Variants in CTNNA3 observed in about 807,000 individuals in gnomAD.
CTNNA3 encodes the protein catenin alpha-3.
In CTNNA3, 76 loss-of-function variants were observed where a neutral mutation model predicts 95.7. That is an observed-to-expected ratio of 0.79 (90% CI 0.66 to 0.96). The LOEUF is 0.96. Among genes scored for constraint, CTNNA3 ranks in the 40% least tolerant of loss-of-function variants. The pLI is 0.00. For missense variants in CTNNA3, 1,191 were observed against 1,089.8 expected (o/e 1.09, Z -1.31); for synonymous variants, 431 against 374.4 (o/e 1.15, Z -1.74).
At chr10:66,604,439 C>T (rs1385859757) in intron 10 of CTNNA3, among the ~76,000 whole-genome samples, 4 of 152,078 alleles carry the variant, frequency 2.6e-5, no homozygotes, top group East Asian at 1.9e-4. Context: ...CTGCTGCAGC[C>T]GATGAGCGTG....
At chr10:66,851,628 T>TTACATA (rs1554863355) in intron 7 of CTNNA3, among the ~76,000 whole-genome samples, 1 of 92,820 alleles carries the variant, frequency 1.1e-5, no homozygotes. Flanking sequence ...TCTCTTTCTC[T>TTACATA]CACATACACA....
At chr10:67,187,040 G>A (rs1862886099) in intron 6 of CTNNA3, among the ~76,000 whole-genome samples, 1 of 152,026 alleles carries the variant, frequency 6.6e-6, no homozygotes, top group Admixed American at 6.5e-5. Context: ...TCTCTGGAGA[G>A]CTTATAATTT....
chr10:66,710,734 A>T (rs1311611130), intron 9 of CTNNA3, among the ~76,000 whole-genome samples: 1 of 151,954 alleles, frequency 6.6e-6, no homozygotes, highest in East Asian at 1.9e-4. Context: ...CATATATTCA[A>T]ATATATTTAA....
At chr10:66,899,863 G>A (rs946478627) in intron 7 of CTNNA3, among the ~76,000 whole-genome samples, 30 of 152,098 alleles carry the variant, frequency 2.0e-4, no homozygotes, top group African/African-American at 3.6e-4. Context: ...CAAACTGAGC[G>A]GAGCCCACCG....
chr10:65,930,112 ACACACACTT>A (rs2077227006), intron 17 of CTNNA3, among the ~76,000 whole-genome samples: 1 of 149,620 alleles, frequency 6.7e-6, no homozygotes, highest in African/African-American at 2.5e-5. Flanking sequence ...ATAAGTATGT[ACACACACTT>A]CACACACTTT....
rs570352712 is a variant in CTNNA3 at position 66,246,590 on chromosome 10, T to C, written c.1884+33880A>G. ...TTAAAAATAGCTATTTTGAGAAAGTTCAATGAATTTCAAGATGATAGAGAA... is the reference window on the plus strand; with the variant it reads ...TTAAAAATAGCTATTTTGAGAAAGTCCAATGAATTTCAAGATGATAGAGAA... On this transcript the variant is annotated intron_variant, in intron 13 of 17. Transcript: ENST00000433211. Among the ~76,000 whole-genome samples the C allele has an allele frequency of 1.6e-4, 24 of 152,090 alleles. No individual in the cohort carries two copies. In the South Asian group the frequency reaches 4.6e-3, roughly 29 times the overall value.
intron 1 of CTNNA3, among the ~76,000 whole-genome samples, chr10:67,671,264 A>G (rs1019814646): frequency 1.3e-5 from 2 of 152,192 alleles, no homozygotes; most frequent in South Asian, 2.1e-4. Flanking sequence ...GAAATAAAAC[A>G]ATCTTACTGC....
chr10:66,253,188 C>T (rs534256958), intron 13 of CTNNA3, among the ~76,000 whole-genome samples: 8 of 152,334 alleles, frequency 5.3e-5, no homozygotes, highest in Non-Finnish European at 8.8e-5. Context: ...GCTCTCCTGA[C>T]AGGAGCAATC....
At chr10:66,675,753 A>T (rs1846830892) in intron 9 of CTNNA3, among the ~76,000 whole-genome samples, 1 of 152,154 alleles carries the variant, frequency 6.6e-6, no homozygotes, top group Non-Finnish European at 1.5e-5. Context: ...TTATTGGCAC[A>T]GATACCATTA....
chr10:66,632,034 G>A (rs1845154355), intron 9 of CTNNA3, among the ~76,000 whole-genome samples: 1 of 151,952 alleles, frequency 6.6e-6, no homozygotes, highest in Non-Finnish European at 1.5e-5. Context: ...TTATAGATAT[G>A]TGTGCATATC....
Position 66,839,597 on chromosome 10 carries a change from T to C in CTNNA3, c.1048-64073A>G, listed in dbSNP as rs569943348. 2.0e-3 allele frequency among the ~76,000 whole-genome samples: 303 copies of C among 152,226 alleles called. 1 individual carries two copies. Among genetic ancestry groups the C allele is most frequent in the Non-Finnish European group, 3.5e-3 (237 of 67,998 alleles). ...AGTACTTAATGTCCCCAGAAAATTATACATAGACAACTCTTCCATGATATT... is the reference window on the plus strand; with the variant it reads ...AGTACTTAATGTCCCCAGAAAATTACACATAGACAACTCTTCCATGATATT... On this transcript the variant is annotated intron_variant, in intron 7 of 17. Coordinates refer to ENST00000433211, the MANE Select transcript of CTNNA3 (RefSeq NM_013266.4).
chr10:67,370,869 G>T lies in CTNNA3; in HGVS notation c.579+150973C>A, dbSNP rs866488887. 8.8e-3 allele frequency among the ~76,000 whole-genome samples: 1,193 copies of T among 136,206 alleles called. 17 individuals carry two copies. Among genetic ancestry groups the T allele is most frequent in the African/African-American group, 0.028 (1,027 of 36,992 alleles). The allele number at this position is 136,206 out of a possible 152,430, so 89.4% of individuals were successfully genotyped here. On this transcript the variant is annotated intron_variant, in intron 5 of 17. Coordinates refer to ENST00000433211, the MANE Select transcript of CTNNA3 (RefSeq NM_013266.4). ...TACATGTTAAGAGGAAGTTTTTTTT[G>T]TTTTTTTTTTTTTTTGAGACAGAGT... is the stretch of plus-strand genomic sequence containing the variant.
Position 67,369,523 on chromosome 10 carries a change from T to C in CTNNA3, c.580-149653A>G, listed in dbSNP as rs546310347. Among the ~76,000 whole-genome samples the C allele has an allele frequency of 9.3e-4, 141 of 152,240 alleles. 1 individual carries two copies. Among genetic ancestry groups the C allele is most frequent in the African/African-American group, 3.3e-3 (138 of 41,534 alleles). ...AAATCTGACAACAATTAAAATCTTC[T>C]CCATGGCGAAAATACACCATAAGCA... On this transcript the variant is annotated intron_variant, in intron 5 of 17. Transcript: ENST00000433211.
chr10:66,919,379 C>T (rs886600603), intron 7 of CTNNA3, among the ~76,000 whole-genome samples: 1 of 152,060 alleles, frequency 6.6e-6, no homozygotes, highest in Non-Finnish European at 1.5e-5. Flanking sequence ...TCTTTTCAGC[C>T]TTCATAAGTC....
chr10:66,516,063 G>GAAA (rs147730943), intron 11 of CTNNA3, among the ~76,000 whole-genome samples: 4,753 of 123,826 alleles, frequency 0.038, 252 homozygotes, highest in African/African-American at 0.075. Flanking sequence ...TTAATTATCT[G>GAAA]GAAAAAAAAA....
chr10:66,904,333 G>T (rs932719544), intron 7 of CTNNA3, among the ~76,000 whole-genome samples: 1 of 152,124 alleles, frequency 6.6e-6, no homozygotes, highest in African/African-American at 2.4e-5. Context: ...GCTGAAACTG[G>T]ATCCCTTCCT....
At chr10:65,975,312 C>T (rs367618432) in intron 16 of CTNNA3, among the ~76,000 whole-genome samples, 4 of 151,478 alleles carry the variant, frequency 2.6e-5, no homozygotes, top group African/African-American at 4.9e-5. Flanking sequence ...GAGGGTTATC[C>T]CTCAAATCTC....
At chr10:67,570,285 T>TAAA (rs1841938375) in intron 3 of CTNNA3, among the ~76,000 whole-genome samples, 6 of 152,054 alleles carry the variant, frequency 3.9e-5, no homozygotes, top group African/African-American at 1.4e-4. Context: ...TCTCTTTTTT[T>TAAA]AGTGTTAGTC....
chr10:67,386,876 C>T (rs915828855), intron 5 of CTNNA3, among the ~76,000 whole-genome samples: 3 of 152,182 alleles, frequency 2.0e-5, no homozygotes, highest in South Asian at 2.1e-4. Context: ...AAGCAAACCA[C>T]AAGTTCCTTT....
Sources: gnomAD v4.1 joint callset for allele counts (sites outside exome capture counted in the v4.1 genomes callset) on GRCh38, gnomAD v4.1.1 for gene constraint, MANE v1.5 for transcripts, NCBI Gene and HGNC (gene_info 2026-07-23, HGNC 2026-07-21) for gene names.